Variants in FASTK observed in about 807,000 individuals in gnomAD.
The protein encoded by FASTK is Fas activated serine/threonine kinase, also known as fas-activated serine/threonine kinase.
A neutral mutation model predicts 60.0 loss-of-function variants in FASTK; 28 were observed. That is an observed-to-expected ratio of 0.47 (90% CI 0.35 to 0.64). The LOEUF (loss-of-function observed/expected upper bound fraction) is 0.64. Among genes scored for constraint, FASTK ranks in the 30% least tolerant of loss-of-function variants. FASTK has a pLI of 0.01. For synonymous variants in FASTK, 325 were observed against 307.9 expected (o/e 1.06, Z -0.58); for missense variants, 595 against 713.8 (o/e 0.83, Z 1.90).
At chr7:151,080,019 G>A (rs1797900349) in intron 1 of FASTK, 97 bp from the exon 2 acceptor site, 5 of 1,130,772 alleles carry the variant, frequency 4.4e-6, no homozygotes. Context: ...GGGGGCCTGT[G>A]GTCAGAGCAA....
chr7:151,079,405 T>C (rs1797855561), intron 2 of FASTK, 95 bp downstream of exon 2: 3 of 1,266,304 alleles, frequency 2.4e-6, no homozygotes, highest in Admixed American at 5.3e-5. Context: ...GGCAAACGCC[T>C]GAGAGGCTGG....
At chr7:151,080,629 G>A (rs1049401536) in intron 1 of FASTK, 56 bp downstream of exon 1, 4 of 1,395,540 alleles carry the variant, frequency 2.9e-6, no homozygotes, top group South Asian at 3.1e-5. Flanking sequence ...GGCCGCTGCC[G>A]CTAACACCAG....
At position 151,078,923 on chromosome 7, in the gene FASTK, C is replaced by A. The variant is rs1444424830; in HGVS notation, c.604G>T (p.Gly202Cys). 1 of 1,578,142 alleles carries A rather than the reference C, an allele frequency of 6.3e-7. No homozygotes were observed. Among genetic ancestry groups the A allele is most frequent in the Non-Finnish European group, 8.6e-7 (1 of 1,168,140 alleles). Reference protein sequence around the residue: ...PPPPLQPLLRGGQGLEAALSC... With the variant: ...PPPPLQPLLRCGQGLEAALSC... ...AGAGCAGCTTCCAACCCTTGCCCACCTCGGAGAAGGGGCTGCAAAGGGGGA... is the reference window on the plus strand; with the variant it reads ...AGAGCAGCTTCCAACCCTTGCCCACATCGGAGAAGGGGCTGCAAAGGGGGA... The change falls in exon 3 of 10, where the codon GGT becomes TGT. Residue 202 changes from glycine to cysteine, a missense_variant. Gly to Cys is a radical substitution (Grantham distance 159). Transcript: ENST00000297532.
In FASTK at chr7:151,079,769, G is replaced by C. The variant is rs574164801; in HGVS notation, c.236C>G (p.Ala79Gly). 4.4e-5 allele frequency: 71 copies of C among 1,601,534 alleles called. No individual in the cohort carries two copies. In the South Asian group the frequency reaches 7.7e-4, roughly 17 times the overall value. ...GDRPVGGGPSAGPVQGLQRLL... is the reference protein window; with the variant it reads ...GDRPVGGGPSGGPVQGLQRLL... ...CCGCTGCAGTCCTTGCACAGGACCT[G>C]CACTGGGGCCTCCTCCAACAGGCCG... is the stretch of plus-strand genomic sequence containing the variant. The change falls in exon 2 of 10, where the codon GCA becomes GGA. Residue 79 changes from alanine (A) to glycine (G), a missense_variant. This residue lies in a region of FASTK where 124 missense variants were observed against 107.9 expected (regional missense o/e 1.15). Transcript: ENST00000297532.
In FASTK at chr7:151,078,901, G is replaced by A. The variant is rs765610878; in HGVS notation, c.626C>T (p.Ala209Val). ...CCGCAGAAAACGGGGGCAGCTTAGAGCAGCTTCCAACCCTTGCCCACCTCG... is the reference window on the plus strand; with the variant it reads ...CCGCAGAAAACGGGGGCAGCTTAGAACAGCTTCCAACCCTTGCCCACCTCG... ...LLRGGQGLEA[A>V]LSCPRFLRYP... The change falls in exon 3 of 10, where the codon GCT becomes GTT. Residue 209 changes from alanine (A) to valine (V), a missense_variant. Coordinates refer to ENST00000297532, the MANE Select transcript of FASTK (RefSeq NM_006712.5). 5 of 1,597,488 alleles carry A rather than the reference G, an allele frequency of 3.1e-6. No individual in the cohort carries two copies. In the Admixed American group the frequency reaches 5.5e-5, roughly 17 times the overall value.
In FASTK at chr7:151,079,914, A is replaced by C. The variant is rs954096020; in HGVS notation, c.91T>G (p.Ser31Ala). 1 of 1,586,876 alleles carries C rather than the reference A, an allele frequency of 6.3e-7. No homozygotes were observed. Among genetic ancestry groups the C allele is most frequent in the African/African-American group, 1.3e-5 (1 of 74,600 alleles). Reference sequence around the variant, plus strand: ...AGGACTCGAAGCATGGAGTTGGGTGATGGAGACCCTGAGGGGCAGCCCAAA... The same window carrying C: ...AGGACTCGAAGCATGGAGTTGGGTGCTGGAGACCCTGAGGGGCAGCCCAAA... ...CAGPGESWSP[S>A]PNSMLRVLLS... The change falls in exon 2 of 10, where the codon TCA becomes GCA. Residue 31 changes from serine (S) to alanine (A), a missense_variant. By Grantham distance (99) the Ser-to-Ala change is moderately conservative. This residue lies in a region of FASTK where 124 missense variants were observed against 107.9 expected (regional missense o/e 1.15). Coordinates refer to ENST00000297532, the MANE Select transcript of FASTK (RefSeq NM_006712.5).
At chr7:151,077,061 G>C (rs139030865) in intron 8 of FASTK, 34 bp from the exon 9 acceptor site, 3 of 1,609,174 alleles carry the variant, frequency 1.9e-6, no homozygotes, top group Admixed American at 1.7e-5. Flanking sequence ...AGGGCATGGC[G>C]GGCAAGGTGG....
At position 151,077,734 on chromosome 7, in the gene FASTK, G is replaced by C. The variant is rs1797746574; in HGVS notation, c.1086C>G (p.Asp362Glu). 3.1e-6 allele frequency: 5 copies of C among 1,596,612 alleles called. No individual in the cohort carries two copies. Among genetic ancestry groups the C allele is most frequent in the Non-Finnish European group, 4.3e-6 (5 of 1,170,778 alleles). ...LIVRRYLSLL[D>E]TAVELELPGY... ...CTGGGAGCTCCAGCTCCACGGCCGT[G>C]TCCAGCAGGGAGAGGTAGCGACGCA... The change falls in exon 6 of 10, where the codon GAC becomes GAG. Residue 362 changes from aspartate to glutamate, a missense_variant. By Grantham distance (45) the Asp-to-Glu change is conservative. Transcript: ENST00000297532.
chr7:151,079,654 C>G lies in FASTK; in HGVS notation c.351G>C (p.Ala117=), dbSNP rs1585013335. ...CCAAGAGCTGGCCCAGACGACGAAG[C>G]GCCACCGAGTAGTGGTGGGCGCGCA... ...SKVRAHHYSV[A]LRRLGQLLGS... is the part of the protein sequence containing the mutation. The change falls in exon 2 of 10, where the codon GCG becomes GCC. Residue 117 remains alanine (A), a synonymous_variant. Transcript: ENST00000297532. The G allele has an allele frequency of 6.2e-7, 1 of 1,613,024 alleles. No homozygotes were observed. The highest frequency in any genetic ancestry group is 1.7e-4 in the Middle Eastern group (1 of 6,054).
intron 1 of FASTK, chr7:151,080,403 G>C (rs1797925136): frequency 4.7e-6 from 5 of 1,071,774 alleles, no homozygotes; most frequent in South Asian, 3.7e-5. Flanking sequence ...GCGGCTGGAC[G>C]GTGCTGGGTT....
rs1452522179 is a variant in FASTK at position 151,079,650 on chromosome 7, G to A, written c.355C>T (p.Arg119Cys). Reference sequence around the variant, plus strand: ...GACCCCAAGAGCTGGCCCAGACGACGAAGCGCCACCGAGTAGTGGTGGGCG... The same window carrying A: ...GACCCCAAGAGCTGGCCCAGACGACAAAGCGCCACCGAGTAGTGGTGGGCG... ...VRAHHYSVAL[R>C]RLGQLLGSRP... Residue 119 changes from arginine (R) to cysteine (C), a missense_variant, in exon 2 of 10, where the codon CGT becomes TGT. Arg to Cys is a radical substitution (Grantham distance 180). Around this residue, in one of 2 missense-constraint regions of FASTK, gnomAD observed 471 missense variants for 605.9 expected, o/e 0.78. Transcript: ENST00000297532. 6.2e-7 allele frequency: 1 copy of A among 1,613,234 alleles called. No homozygotes were observed. The highest frequency in any genetic ancestry group is 1.7e-5 in the Admixed American group (1 of 59,964).
At chr7:151,079,416 GTC>G in intron 2 of FASTK, 82 bp downstream of exon 2, 4 of 1,330,252 alleles carry the variant, frequency 3.0e-6, no homozygotes, top group Non-Finnish European at 4.1e-6. Flanking sequence ...GAGAGGCTGG[GTC>G]TCTGTCCGTG....
chr7:151,078,775 A>G (rs1465874665), intron 3 of FASTK, 67 bp downstream of exon 3: 21 of 1,609,404 alleles, frequency 1.3e-5, no homozygotes, highest in South Asian at 2.2e-5. Context: ...AGCCCAGCCA[A>G]CTGAGCCCAC....
chr7:151,079,118 G>T, intron 2 of FASTK, 97 bp from the exon 3 acceptor site: 1 of 1,149,442 alleles, frequency 8.7e-7, no homozygotes, highest in Non-Finnish European at 1.2e-6. Context: ...CTCCTCTCCC[G>T]TTTCCTGAGC....
In FASTK at chr7:151,080,282, G is replaced by T. The variant is rs867479128; in HGVS notation, c.83-360C>A. 37 of 363,590 alleles carry T rather than the reference G, an allele frequency of 1.0e-4. No homozygotes were observed. The South Asian group carries it at 1.8e-3, about 17-fold the overall frequency. 22.5% of individuals were successfully genotyped at this position (363,590 alleles called of 1,614,324 possible). A position where few individuals can be genotyped will look rare whatever the true frequency, so the allele number is the denominator to read the frequency against. ...AGTTAAGCCCGAGGTCATTAACCGG[G>T]TTAGTGGTCGCGCCCAGTCTGGAGC... On this transcript the variant is annotated intron_variant, in intron 1 of 9. Transcript: ENST00000297532.
Position 151,076,749 on chromosome 7 carries a change from C to T in FASTK, c.1626G>A (p.Leu542=). The change falls in exon 10 of 10, where the codon CTG becomes CTA. Residue 542 remains leucine, a synonymous_variant. Coordinates refer to ENST00000297532, the MANE Select transcript of FASTK (RefSeq NM_006712.5). The stretch of plus-strand genomic sequence containing the variant: ...CTCAGCCCCCTTCAGGCCCCCAGCG[C>T]AGGCCCAGGGCCTGGAGCTTCTGCC... ...YLRQKLQALG[L]RWGPEGG is the part of the protein sequence containing the mutation. 6.2e-7 allele frequency: 1 copy of T among 1,606,932 alleles called. No individual in the cohort carries two copies. Among genetic ancestry groups the T allele is most frequent in the Non-Finnish European group, 8.5e-7 (1 of 1,176,484 alleles).
chr7:151,079,142 AGAGTTT>A (rs1387413715), intron 2 of FASTK, 121 bp from the exon 3 acceptor site: 2 of 909,488 alleles, frequency 2.2e-6, no homozygotes, highest in South Asian at 2.1e-5. Flanking sequence ...AAGGTGTGCT[AGAGTTT>A]AAGTGCAAAC....
chr7:151,079,422 G>A (rs1241534742), intron 2 of FASTK, 78 bp downstream of exon 2: 1 of 1,381,970 alleles, frequency 7.2e-7, no homozygotes, highest in Non-Finnish European at 9.8e-7. Flanking sequence ...CTGGGTCTCT[G>A]TCCGTGGTCC....
intron 1 of FASTK, 46 bp downstream of exon 1, chr7:151,080,639 G>A (rs917495703): frequency 4.9e-6 from 7 of 1,416,384 alleles, no homozygotes; most frequent in Admixed American, 3.0e-5. Flanking sequence ...GCTAACACCA[G>A]CTCCCGCTGC....
Sources: gnomAD v4.1 joint callset for allele counts on GRCh38, gnomAD v4.1.1 for gene constraint, gnomAD v4.1.1 regional missense constraint, MANE v1.5 for transcripts, NCBI Gene and HGNC (gene_info 2026-07-23, HGNC 2026-07-21) for gene names.